CSMD1: variants seen among roughly 807,000 people sequenced by gnomAD.
CSMD1 encodes CUB and sushi domain-containing protein 1.
A neutral mutation model predicts 417.5 loss-of-function variants in CSMD1; 213 were observed. The observed-to-expected ratio is 0.51, with a 90% CI of 0.46 to 0.57. The LOEUF is 0.57. Among genes scored for constraint, CSMD1 ranks in the 20% least tolerant of loss-of-function variants. The pLI, the probability that CSMD1 is intolerant of heterozygous loss-of-function variation, is 0.00. For missense variants in CSMD1, 6,923 were observed against 4,529.7 expected (o/e 1.53, Z -15.17); for synonymous variants, 2,862 against 1,736.8 (o/e 1.65, Z -16.11).
At chr8:3,021,028 T>C (rs1323719472) in intron 51 of CSMD1, among the ~76,000 whole-genome samples, 4 of 152,224 alleles carry the variant, frequency 2.6e-5, no homozygotes, top group Non-Finnish European at 5.9e-5. Flanking sequence ...GATCCATTTG[T>C]AGCAATTTAA....
chr8:3,317,323 A>T (rs1805840535), intron 23 of CSMD1, among the ~76,000 whole-genome samples: 2 of 152,260 alleles, frequency 1.3e-5, no homozygotes, highest in South Asian at 4.1e-4. Flanking sequence ...AGACAATCTC[A>T]GTCCTTATGG....
At chr8:4,099,949 A>C (rs56817850) in intron 3 of CSMD1, among the ~76,000 whole-genome samples, 1 of 151,998 alleles carries the variant, frequency 6.6e-6, no homozygotes, top group African/African-American at 2.4e-5. Context: ...AGTGAATAAA[A>C]ATACTCATTT....
At position 4,371,738 on chromosome 8, in the gene CSMD1, C is replaced by G. The variant is rs572897736; in HGVS notation, c.415+48215G>C. Among the ~76,000 whole-genome samples, 20 of 152,270 alleles carry G rather than the reference C, an allele frequency of 1.3e-4. No homozygotes were observed. In the South Asian group the frequency reaches 4.1e-3, roughly 32 times the overall value. On this transcript the variant is annotated intron_variant, in intron 3 of 69. Transcript: ENST00000635120. ...TGTATGTATGTTTTTATGTATTTTT[C>G]AAACGCCTAAGGTCTTTACGGTTAC...
At chr8:3,054,727 CAT>C (rs2128990775) in intron 49 of CSMD1, among the ~76,000 whole-genome samples, 1 of 152,252 alleles carries the variant, frequency 6.6e-6, no homozygotes, top group South Asian at 2.1e-4. Context: ...GTGTGTAGTA[CAT>C]GTGTGTATGG....
At chr8:4,257,439 C>G (rs927060756) in intron 3 of CSMD1, among the ~76,000 whole-genome samples, 2 of 152,052 alleles carry the variant, frequency 1.3e-5, no homozygotes, top group African/African-American at 4.8e-5. Flanking sequence ...TCTCTTTAGG[C>G]TTATTAAGAA....
intron 36 of CSMD1, chr8:3,183,048 GCACCCGGCCTAGAAGAGGCTTT>G (rs1563120194): frequency 1.3e-5 from 2 of 151,994 alleles, no homozygotes; most frequent in African/African-American, 2.4e-5. Flanking sequence ...ATGAGCCACC[GCACCCGGCCTAGAAGAGGCTTT>G]TTAAACATGA....
chr8:4,561,802 G>T (rs1234659632), intron 2 of CSMD1, among the ~76,000 whole-genome samples: 1 of 152,202 alleles, frequency 6.6e-6, no homozygotes, highest in Non-Finnish European at 1.5e-5. Flanking sequence ...TGAGGCAGAG[G>T]TTATGAACAT....
At chr8:3,596,636 T>A (rs1300969526) in intron 8 of CSMD1, among the ~76,000 whole-genome samples, 1 of 151,972 alleles carries the variant, frequency 6.6e-6, no homozygotes, top group Non-Finnish European at 1.5e-5. Flanking sequence ...AACTTTGCAA[T>A]TTTTTTTATT....
chr8:3,643,531 T>C (rs1337857670), intron 7 of CSMD1, among the ~76,000 whole-genome samples: 1 of 151,374 alleles, frequency 6.6e-6, no homozygotes, highest in African/African-American at 2.4e-5. Flanking sequence ...TGAAATCCAG[T>C]CTCTACTAAA....
In CSMD1 at chr8:3,439,298, TATATATA is replaced by T. The variant is rs1346271344; in HGVS notation, c.1561+29407_1561+29413del. 3.2e-4 allele frequency among the ~76,000 whole-genome samples: 19 copies of T among 59,764 alleles called. 1 individual carries two copies. The highest frequency in any genetic ancestry group is 8.8e-3 in the Middle Eastern group (1 of 114). The allele number at this position is 59,764 out of a possible 152,430, so 39.2% of individuals were successfully genotyped here. A position where few individuals can be genotyped will look rare whatever the true frequency, so the allele number is the denominator to read the frequency against. ...CAATGTCAGTATATATATATATATATATATATATATATTTTTTTTTTTAATATGTATT... is the reference window on the plus strand; with the variant it reads ...CAATGTCAGTATATATATATATATATTATATTTTTTTTTTTAATATGTATT... On this transcript the variant is annotated intron_variant, in intron 12 of 69. Coordinates refer to ENST00000635120, the MANE Select transcript of CSMD1 (RefSeq NM_033225.6).
intron 46 of CSMD1, among the ~76,000 whole-genome samples, chr8:3,099,530 TG>T (rs1382785901): frequency 6.6e-6 from 1 of 152,156 alleles, no homozygotes; most frequent in Non-Finnish European, 1.5e-5. Context: ...GGATTACACT[TG>T]AAAAACAGTT....
At chr8:4,389,699 A>AT (rs1221867361) in intron 3 of CSMD1, among the ~76,000 whole-genome samples, 2 of 152,038 alleles carry the variant, frequency 1.3e-5, no homozygotes, top group Non-Finnish European at 2.9e-5. Flanking sequence ...ACATTCTAAG[A>AT]TTTTTTTATT....
In CSMD1 at chr8:3,578,926, G is replaced by A. The variant is rs560124798; in HGVS notation, c.1223-3860C>T. 7.9e-5 allele frequency among the ~76,000 whole-genome samples: 12 copies of A among 152,322 alleles called. No homozygotes were observed. The South Asian group carries it at 2.3e-3, about 29-fold the overall frequency. On this transcript the variant is annotated intron_variant, in intron 9 of 69. Transcript: ENST00000635120. ...TCTCTCTCCGTAAGTTGCCATCGTGGATATCTGTAGACGCACGTTTACACA... is the reference window on the plus strand; with the variant it reads ...TCTCTCTCCGTAAGTTGCCATCGTGAATATCTGTAGACGCACGTTTACACA...
At chr8:4,662,860 A>G (rs1042441107) in intron 1 of CSMD1, among the ~76,000 whole-genome samples, 1 of 152,220 alleles carries the variant, frequency 6.6e-6, no homozygotes, top group African/African-American at 2.4e-5. Context: ...CATGGTGTGG[A>G]AACGCGGGTG....
intron 49 of CSMD1, among the ~76,000 whole-genome samples, chr8:3,058,704 ACT>A (rs1486830097): frequency 6.7e-6 from 1 of 150,312 alleles, no homozygotes; most frequent in African/African-American, 2.5e-5. Context: ...GAGATTTGAG[ACT>A]CTACTTTTCT....
chr8:4,043,283 G>C (rs187862126), intron 3 of CSMD1, among the ~76,000 whole-genome samples: 6 of 152,050 alleles, frequency 3.9e-5, no homozygotes, highest in Admixed American at 2.0e-4. Flanking sequence ...ATCACAGAAA[G>C]TACCCAATCC....
chr8:4,169,740 C>G (rs1209250780), intron 3 of CSMD1, among the ~76,000 whole-genome samples: 6 of 152,116 alleles, frequency 3.9e-5, no homozygotes, highest in Non-Finnish European at 1.5e-5. Context: ...TGTGGAGGTT[C>G]AAACGCCCCC....
rs573464357 is a variant in CSMD1 at position 2,989,688 on chromosome 8, G to T, written c.8377+8323C>A. On this transcript the variant is annotated intron_variant, in intron 54 of 69. Transcript: ENST00000635120. ...ACAGAGAATGATGAATAAATATGAGGTGTTTTTAATTTCTTCTTCTCTTCC... is the reference window on the plus strand; with the variant it reads ...ACAGAGAATGATGAATAAATATGAGTTGTTTTTAATTTCTTCTTCTCTTCC... 4.4e-3 allele frequency among the ~76,000 whole-genome samples: 670 copies of T among 152,210 alleles called. 2 individuals are homozygous for T. The highest frequency in any genetic ancestry group is 7.7e-3 in the Non-Finnish European group (527 of 68,004).
At chr8:3,281,514 T>C (rs1451706967) in intron 26 of CSMD1, among the ~76,000 whole-genome samples, 1 of 152,042 alleles carries the variant, frequency 6.6e-6, no homozygotes, top group Non-Finnish European at 1.5e-5. Context: ...TAAAAAGAAA[T>C]GATCCGTACA....
Sources: allele counts gnomAD v4.1 joint callset (sites outside exome capture counted in the v4.1 genomes callset), GRCh38; gene constraint gnomAD v4.1.1; transcripts MANE v1.5; gene names NCBI Gene and HGNC (gene_info 2026-07-23, HGNC 2026-07-21).